The following RBFOX1 variants were observed in gnomAD, a reference collection of about 807,000 sequenced individuals.
RBFOX1 encodes the protein RNA binding protein fox-1 homolog 1.
A neutral mutation model predicts 57.7 loss-of-function variants in RBFOX1; 8 were observed. The observed-to-expected ratio is 0.14, with a 90% CI of 0.08 to 0.25. The LOEUF (loss-of-function observed/expected upper bound fraction) is 0.25, where lower values mean the gene tolerates loss of function less well. RBFOX1 is among the 10% of genes least tolerant of loss of function. RBFOX1 has a pLI of 1.00. For missense variants in RBFOX1, 611 were observed against 548.5 expected, an observed-to-expected ratio of 1.11 and a Z score of -1.14; for synonymous variants, 326 against 222.4, an observed-to-expected ratio of 1.47 and a Z score of -4.15.
chr16:7,039,589 G>C (rs1026856297), intron 3 of RBFOX1, among the ~76,000 whole-genome samples: 1 of 151,848 alleles, frequency 6.6e-6, no homozygotes, highest in Non-Finnish European at 1.5e-5. Context: ...ACACACTTTT[G>C]TTCTTCCTTG....
At chr16:6,278,400 A>AAAAAAAAAAAAAAAAAAAAAAAAG (rs2076053796) in intron 1 of RBFOX1, among the ~76,000 whole-genome samples, 1 of 146,288 alleles carries the variant, frequency 6.8e-6, no homozygotes, top group Non-Finnish European at 1.5e-5. Context: ...AAAAAAAAAA[A>AAAAAAAAAAAAAAAAAAAAAAAAG]AAAAAAAAAA....
At chr16:6,501,131 C>CTTT (rs1003003339) in intron 2 of RBFOX1, among the ~76,000 whole-genome samples, 9,183 of 107,600 alleles carry the variant, frequency 0.085, 467 homozygotes, top group Non-Finnish European at 0.098. Context: ...GTTAAACATT[C>CTTT]TTTTTTTTTT....
intron 3 of RBFOX1, among the ~76,000 whole-genome samples, chr16:5,849,638 C>G (rs1284558821): frequency 6.6e-6 from 1 of 152,168 alleles, no homozygotes; most frequent in Non-Finnish European, 1.5e-5. Context: ...GAAGTGCCGA[C>G]TGCTCACGGA....
intron 2 of RBFOX1, among the ~76,000 whole-genome samples, chr16:6,450,602 C>G (rs2094568925): frequency 6.7e-6 from 1 of 150,028 alleles, no homozygotes; most frequent in Non-Finnish European, 1.5e-5. Flanking sequence ...ATGTTTCCAA[C>G]CCCTGTTTCC....
intron 4 of RBFOX1, among the ~76,000 whole-genome samples, chr16:7,248,365 G>C (rs914556540): frequency 6.6e-6 from 1 of 152,150 alleles, no homozygotes; most frequent in Non-Finnish European, 1.5e-5. Context: ...TCTTCTAGTA[G>C]GATGCCCTAT....
intron 3 of RBFOX1, among the ~76,000 whole-genome samples, chr16:6,855,303 T>C (rs999270977): frequency 5.3e-5 from 8 of 151,932 alleles, no homozygotes; most frequent in African/African-American, 9.7e-5. Flanking sequence ...AGGTCTGAGA[T>C]AGCCAAGAAA....
chr16:5,806,940 G>A lies in RBFOX1; in HGVS notation c.319-60363G>A, dbSNP rs576976508. Among the ~76,000 whole-genome samples the A allele has an allele frequency of 2.6e-5, 4 of 152,258 alleles. No individual in the cohort carries two copies. In the South Asian group the frequency reaches 6.2e-4, roughly 24 times the overall value. On this transcript the variant is annotated intron_variant, in intron 3 of 19. Transcript: ENST00000641259. Reference sequence around the variant, plus strand: ...CAGCCAGCCTTTCCCCACTGGAGGAGCAGGATCTCCAGGAAGAGAAGGAAT... The same window carrying A: ...CAGCCAGCCTTTCCCCACTGGAGGAACAGGATCTCCAGGAAGAGAAGGAAT...
intron 4 of RBFOX1, among the ~76,000 whole-genome samples, chr16:7,508,026 A>AC (rs1320691324): frequency 6.6e-6 from 1 of 151,096 alleles, no homozygotes; most frequent in Non-Finnish European, 1.5e-5. Context: ...TCACCCTATC[A>AC]CCCAGGCTGG....
chr16:5,718,587 T>A (rs1291629050), intron 3 of RBFOX1, among the ~76,000 whole-genome samples: 1 of 152,230 alleles, frequency 6.6e-6, no homozygotes, highest in African/African-American at 2.4e-5. Flanking sequence ...ATACTTAGAT[T>A]TGATGCTATT....
intron 14 of RBFOX1, among the ~76,000 whole-genome samples, chr16:7,708,254 A>T (rs1353583768): frequency 6.6e-6 from 1 of 151,262 alleles, no homozygotes; most frequent in Non-Finnish European, 1.5e-5. Context: ...TTTAAAAAAA[A>T]AAGTTAACTT....
intron 3 of RBFOX1, among the ~76,000 whole-genome samples, chr16:6,828,510 G>A (rs927618390): frequency 1.3e-5 from 2 of 151,306 alleles, no homozygotes; most frequent in South Asian, 2.1e-4. Context: ...GCAACAGAGC[G>A]AGACGTGTCT....
chr16:5,730,004 G>T (rs1019344969), intron 3 of RBFOX1, among the ~76,000 whole-genome samples: 1 of 152,138 alleles, frequency 6.6e-6, no homozygotes, highest in South Asian at 2.1e-4. Flanking sequence ...GCCCGCAAAG[G>T]GGGTGCCTCA....
intron 3 of RBFOX1, among the ~76,000 whole-genome samples, chr16:6,821,707 A>G (rs1162280067): frequency 1.3e-5 from 2 of 152,244 alleles, no homozygotes; most frequent in African/African-American, 2.4e-5. Context: ...GATAGCCTGT[A>G]TCAGTGCTTC....
At chr16:7,284,447 C>T (rs572096355) in intron 4 of RBFOX1, among the ~76,000 whole-genome samples, 1 of 152,088 alleles carries the variant, frequency 6.6e-6, no homozygotes, top group African/African-American at 2.4e-5. Context: ...CCTCCCACCT[C>T]AGCCTCCTGA....
chr16:5,871,046 G>T (rs192984062), intron 4 of RBFOX1, among the ~76,000 whole-genome samples: 1 of 152,100 alleles, frequency 6.6e-6, no homozygotes, highest in Non-Finnish European at 1.5e-5. Flanking sequence ...TGTGAATAAC[G>T]TTTGCTAAAT....
chr16:6,143,891 G>C (rs1467233045), intron 1 of RBFOX1, among the ~76,000 whole-genome samples: 1 of 151,632 alleles, frequency 6.6e-6, no homozygotes, highest in Non-Finnish European at 1.5e-5. Flanking sequence ...AAACTCCTGG[G>C]CTCAAGCGAT....
At chr16:6,280,013 C>A (rs1303083630) in intron 1 of RBFOX1, among the ~76,000 whole-genome samples, 1 of 151,484 alleles carries the variant, frequency 6.6e-6, no homozygotes. Context: ...AGAAGCCTAT[C>A]CTAAGCAGGT....
intron 1 of RBFOX1, among the ~76,000 whole-genome samples, chr16:5,441,815 T>C (rs1277586330): frequency 1.3e-5 from 2 of 152,114 alleles, no homozygotes; most frequent in African/African-American, 4.8e-5. Flanking sequence ...AAGCCTCTTA[T>C]AAAACCATCA....
intron 3 of RBFOX1, among the ~76,000 whole-genome samples, chr16:6,829,846 C>T (rs1171507097): frequency 1.3e-5 from 2 of 152,186 alleles, no homozygotes. Context: ...AGGAGATCTG[C>T]CTGCCTTGGC....
Sources: gnomAD v4.1 joint callset for allele counts (sites outside exome capture counted in the v4.1 genomes callset) on GRCh38, gnomAD v4.1.1 for gene constraint, MANE v1.5 for transcripts, NCBI Gene and HGNC (gene_info 2026-07-23, HGNC 2026-07-21) for gene names.